The following AGMO variants were observed in gnomAD, a reference collection of about 807,000 sequenced individuals.
The protein encoded by AGMO is glyceryl-ether monooxygenase.
In AGMO, 75 loss-of-function variants were observed where a neutral mutation model predicts 60.2. That is an observed-to-expected ratio of 1.25 (90% CI 1.03 to 1.51). The LOEUF (loss-of-function observed/expected upper bound fraction) is 1.51. Among genes scored for constraint, AGMO ranks in the 40% most tolerant of loss-of-function variants. The probability of loss-of-function intolerance (pLI) is 0.00; values close to 1 mark genes in which losing one functional copy is unlikely to be tolerated. For missense variants in AGMO, 763 were observed against 525.5 expected, an observed-to-expected ratio of 1.45 and a Z score of -4.42; for synonymous variants, 261 against 177.1, an observed-to-expected ratio of 1.47 and a Z score of -3.76.
the AGMO span, among the ~76,000 whole-genome samples, chr7:15,154,956 T>C: frequency 6.6e-6 from 1 of 152,188 alleles, no homozygotes; most frequent in East Asian, 1.9e-4. Flanking sequence ...GGGGTTTTGA[T>C]CAAAACTCCA....
At position 15,414,781 on chromosome 7, in the gene AGMO, C is replaced by A. The variant is rs116418720; in HGVS notation, c.609+3777G>T. On this transcript the variant is annotated intron_variant, in intron 5 of 12. Coordinates refer to ENST00000342526, the MANE Select transcript of AGMO (RefSeq NM_001004320.2). Reference sequence around the variant, plus strand: ...CTATGATAATCAATAAATTGAGGAACTGACATAAAGGGAAACAAATACATC... The same window carrying A: ...CTATGATAATCAATAAATTGAGGAAATGACATAAAGGGAAACAAATACATC... 9.4e-3 allele frequency among the ~76,000 whole-genome samples: 1,430 copies of A among 152,146 alleles called. 20 individuals carry two copies. Among genetic ancestry groups the A allele is most frequent in the African/African-American group, 0.033 (1,373 of 41,506 alleles).
chr7:15,521,900 G>T (rs1784000351), intron 3 of AGMO, among the ~76,000 whole-genome samples: 2 of 152,174 alleles, frequency 1.3e-5, no homozygotes, highest in African/African-American at 4.8e-5. Context: ...AAGAGAGGAA[G>T]TCAAATTACC....
At chr7:15,541,535 T>C (rs1222180764) in intron 3 of AGMO, among the ~76,000 whole-genome samples, 1 of 152,226 alleles carries the variant, frequency 6.6e-6, no homozygotes, top group Non-Finnish European at 1.5e-5. Context: ...ATAATAGAAC[T>C]ATTGTATTGC....
intron 12 of AGMO, among the ~76,000 whole-genome samples, chr7:15,264,014 A>T (rs1418972044): frequency 5.3e-5 from 8 of 152,052 alleles, no homozygotes; most frequent in Non-Finnish European, 2.9e-5. Context: ...ACCATTAAAG[A>T]ATTTATTCAT....
At chr7:15,186,051 G>A in the AGMO span, among the ~76,000 whole-genome samples, 5 of 152,180 alleles carry the variant, frequency 3.3e-5, no homozygotes, top group African/African-American at 4.8e-5. Context: ...TCATCTGTGA[G>A]CATTTGATAG....
chr7:15,327,740 CTTTTTTTTTTTT>C (rs546851399), intron 12 of AGMO, among the ~76,000 whole-genome samples: 5 of 88,024 alleles, frequency 5.7e-5, no homozygotes, highest in African/African-American at 2.3e-4. Flanking sequence ...TGATTTCTTT[CTTTTTTTTTTTT>C]TTTTTTTTTT....
chr7:15,503,840 A>C (rs1783447047), intron 3 of AGMO, among the ~76,000 whole-genome samples: 1 of 152,070 alleles, frequency 6.6e-6, no homozygotes, highest in Non-Finnish European at 1.5e-5. Context: ...CTTTTTTCTG[A>C]AATCACTGAG....
the AGMO span, among the ~76,000 whole-genome samples, chr7:15,144,934 A>C: frequency 2.0e-5 from 3 of 152,140 alleles, 1 homozygote; most frequent in East Asian, 5.8e-4. Context: ...GGTTCACGCC[A>C]TTCTCCTGCC....
At chr7:15,226,674 G>C (rs756331937) in intron 12 of AGMO, among the ~76,000 whole-genome samples, 29 of 152,180 alleles carry the variant, frequency 1.9e-4, no homozygotes, top group Non-Finnish European at 3.2e-4. Context: ...CAGTCCTGAA[G>C]AATGTCAACT....
intron 12 of AGMO, among the ~76,000 whole-genome samples, chr7:15,230,861 C>A (rs1782238573): frequency 6.6e-6 from 1 of 152,136 alleles, no homozygotes; most frequent in East Asian, 1.9e-4. Context: ...TACCTCTGCT[C>A]ATCCCATTGG....
intron 11 of AGMO, 145 bp downstream of exon 11, chr7:15,365,995 C>A: frequency 1.7e-6 from 1 of 591,564 alleles, no homozygotes; most frequent in South Asian, 2.8e-5. Flanking sequence ...GTTAACTTCT[C>A]TAAAATAATG....
chr7:15,248,214 A>ATG lies in AGMO; in HGVS notation c.1264-46856_1264-46855insCA, dbSNP rs1554401265. On this transcript the variant is annotated intron_variant, in intron 12 of 12. Transcript: ENST00000342526. ...TATATATATATATATATATATATATATATATATATATCTTCATCTTCAATT... is the reference window on the plus strand; with the variant it reads ...TATATATATATATATATATATATATATGTATATATATATCTTCATCTTCAATT... Among the ~76,000 whole-genome samples, 281 of 71,162 alleles carry ATG rather than the reference A, an allele frequency of 3.9e-3. 23 individuals are homozygous for ATG. Among genetic ancestry groups the ATG allele is most frequent in the Non-Finnish European group, 6.5e-3 (220 of 33,622 alleles). 46.7% of individuals were successfully genotyped at this position (71,162 alleles called of 152,430 possible).
chr7:15,546,203 T>G (rs760140151), intron 2 of AGMO, among the ~76,000 whole-genome samples: 31 of 152,170 alleles, frequency 2.0e-4, no homozygotes, highest in Non-Finnish European at 4.1e-4. Context: ...GTATTATTAT[T>G]TAATCTGTAA....
intron 12 of AGMO, among the ~76,000 whole-genome samples, chr7:15,300,757 A>C (rs1784541584): frequency 1.3e-5 from 2 of 152,176 alleles, no homozygotes; most frequent in Non-Finnish European, 2.9e-5. Flanking sequence ...CAAATCTTAA[A>C]GGTGTGGATG....
At chr7:15,364,659 C>T (rs950894299) in intron 12 of AGMO, among the ~76,000 whole-genome samples, 2 of 152,036 alleles carry the variant, frequency 1.3e-5, no homozygotes, top group East Asian at 1.9e-4. Flanking sequence ...GCCGGGTTAA[C>T]GGGTATGTGT....
chr7:15,405,478 C>T (rs1418329009), intron 5 of AGMO, among the ~76,000 whole-genome samples: 2 of 151,868 alleles, frequency 1.3e-5, no homozygotes, highest in African/African-American at 4.8e-5. Context: ...TTACGTGGTT[C>T]TTGGAAGGGA....
chr7:15,325,758 T>C (rs1781318858), intron 12 of AGMO, among the ~76,000 whole-genome samples: 1 of 152,154 alleles, frequency 6.6e-6, no homozygotes, highest in Non-Finnish European at 1.5e-5. Flanking sequence ...ATCCAATTAT[T>C]TTTGAACCCT....
At chr7:15,479,517 T>C (rs1241211999) in intron 3 of AGMO, among the ~76,000 whole-genome samples, 2 of 152,194 alleles carry the variant, frequency 1.3e-5, no homozygotes, top group Non-Finnish European at 2.9e-5. Context: ...TTAGATTATG[T>C]AAATATTTCC....
At chr7:15,431,196 G>C (rs1172721395) in intron 3 of AGMO, 88 bp from the exon 4 acceptor site, 1 of 860,758 alleles carries the variant, frequency 1.2e-6, no homozygotes, top group African/African-American at 1.7e-5. Flanking sequence ...TGTTGAGTGA[G>C]GAAGAAAAAT....
Sources: gnomAD v4.1 joint callset for allele counts (sites outside exome capture counted in the v4.1 genomes callset) on GRCh38, gnomAD v4.1.1 for gene constraint, MANE v1.5 for transcripts, NCBI Gene and HGNC (gene_info 2026-07-23, HGNC 2026-07-21) for gene names.